Variants in LRRC4C observed in about 807,000 individuals in gnomAD.
LRRC4C encodes leucine rich repeat containing 4C.
In LRRC4C, 5 loss-of-function variants were observed where a neutral mutation model predicts 33.6. The observed-to-expected ratio is 0.15, with a 90% CI of 0.08 to 0.31. LRRC4C has a LOEUF of 0.31. Among genes scored for constraint, LRRC4C ranks in the 10% least tolerant of loss-of-function variants. The pLI, the probability that LRRC4C is intolerant of heterozygous loss-of-function variation, is 1.00. For missense variants in LRRC4C, 560 were observed against 796.7 expected, an observed-to-expected ratio of 0.70 and a Z score of 3.58; for synonymous variants, 329 against 302.0, an observed-to-expected ratio of 1.09 and a Z score of -0.93.
intron 3 of LRRC4C, among the ~76,000 whole-genome samples, chr11:40,336,427 C>T (rs904735296): frequency 2.6e-5 from 4 of 152,262 alleles, no homozygotes; most frequent in Non-Finnish European, 1.5e-5. Context: ...CCTGGACAAA[C>T]TTGAATGCCG....
At chr11:40,385,542 G>C (rs763397427) in intron 3 of LRRC4C, among the ~76,000 whole-genome samples, 53 of 152,076 alleles carry the variant, frequency 3.5e-4, no homozygotes, top group Non-Finnish European at 7.2e-4. Flanking sequence ...ACTACTAGAG[G>C]GGGAGGGTGG....
At chr11:40,764,899 A>G (rs2137106950) in intron 2 of LRRC4C, among the ~76,000 whole-genome samples, 1 of 152,306 alleles carries the variant, frequency 6.6e-6, no homozygotes, top group African/African-American at 2.4e-5. Flanking sequence ...CCCCTAATGC[A>G]GGTATGGCTG....
In LRRC4C at chr11:40,469,243, G is replaced by A. The variant is rs1952803509; in HGVS notation, c.-269-149522C>T. 2.0e-5 allele frequency among the ~76,000 whole-genome samples: 3 copies of A among 152,174 alleles called. No homozygotes were observed. The South Asian group carries it at 6.2e-4, about 32-fold the overall frequency. ...AGCCCACGGAGGGCGAGCTGAAGCAGGGTGGGGTGTCACCTCACCTGGGAA... is the reference window on the plus strand; with the variant it reads ...AGCCCACGGAGGGCGAGCTGAAGCAAGGTGGGGTGTCACCTCACCTGGGAA... On this transcript the variant is annotated intron_variant, in intron 3 of 6. Transcript: ENST00000528697.
At chr11:40,166,194 C>G (rs1471532172) in intron 5 of LRRC4C, among the ~76,000 whole-genome samples, 1 of 152,128 alleles carries the variant, frequency 6.6e-6, no homozygotes, top group Non-Finnish European at 1.5e-5. Flanking sequence ...GAAATGAGAA[C>G]TAGCCTAAAA....
At chr11:40,709,324 T>C (rs1209374282) in intron 2 of LRRC4C, among the ~76,000 whole-genome samples, 1 of 152,182 alleles carries the variant, frequency 6.6e-6, no homozygotes, top group Non-Finnish European at 1.5e-5. Flanking sequence ...ATTTGGCATG[T>C]TTTTGCAGTG....
chr11:40,483,119 G>C (rs1278666278), intron 3 of LRRC4C, among the ~76,000 whole-genome samples: 1 of 152,126 alleles, frequency 6.6e-6, no homozygotes, highest in African/African-American at 2.4e-5. Flanking sequence ...AGATGTGAGA[G>C]ACCTTCATGT....
intron 1 of LRRC4C, among the ~76,000 whole-genome samples, chr11:40,994,074 A>C (rs1033023170): frequency 6.9e-6 from 1 of 144,342 alleles, no homozygotes; most frequent in Non-Finnish European, 1.5e-5. Context: ...TTTTTTAAGG[A>C]GTTCAATGTG....
chr11:40,408,906 A>G (rs1950057968), intron 3 of LRRC4C, among the ~76,000 whole-genome samples: 1 of 152,016 alleles, frequency 6.6e-6, no homozygotes, highest in African/African-American at 2.4e-5. Context: ...TAGAAAAAAC[A>G]ATCTAATATT....
At chr11:41,086,804 G>A (rs1049194224) in intron 1 of LRRC4C, among the ~76,000 whole-genome samples, 1 of 151,488 alleles carries the variant, frequency 6.6e-6, no homozygotes, top group Middle Eastern at 3.4e-3. Flanking sequence ...TTTCAAAAAA[G>A]TTTACTGCTA....
chr11:41,012,943 T>C lies in LRRC4C; in HGVS notation c.-495-79220A>G, dbSNP rs143647305. 3.6e-3 allele frequency among the ~76,000 whole-genome samples: 546 copies of C among 152,288 alleles called. 2 individuals carry two copies. Among genetic ancestry groups the C allele is most frequent in the African/African-American group, 0.012 (502 of 41,558 alleles). Reference sequence around the variant, plus strand: ...CATTTTAAAATCAGATTTTTTTTCCTATTGAGTTTGAGCTCCTTATATACT... The same window carrying C: ...CATTTTAAAATCAGATTTTTTTTCCCATTGAGTTTGAGCTCCTTATATACT... On this transcript the variant is annotated intron_variant, in intron 1 of 6. Coordinates refer to ENST00000528697, the MANE Select transcript of LRRC4C (RefSeq NM_001258419.2).
intron 5 of LRRC4C, among the ~76,000 whole-genome samples, chr11:40,226,360 A>G (rs1292198425): frequency 1.3e-5 from 2 of 152,188 alleles, no homozygotes. Flanking sequence ...AATTTTCTAC[A>G]AAGCCTCAAT....
At chr11:40,664,931 G>C (rs10837467) in intron 2 of LRRC4C, among the ~76,000 whole-genome samples, 77,519 of 117,144 alleles carry the variant, frequency 0.66, 22,634 homozygotes, top group East Asian at 0.74. Flanking sequence ...CCCCTCCCCC[G>C]ACCCCACAAC....
intron 1 of LRRC4C, among the ~76,000 whole-genome samples, chr11:40,956,654 C>T (rs1337699217): frequency 6.6e-6 from 1 of 151,542 alleles, no homozygotes; most frequent in African/African-American, 2.4e-5. Flanking sequence ...CCCTATAGGC[C>T]CACATCTGTC....
At chr11:40,613,609 C>G (rs1351742207) in intron 3 of LRRC4C, among the ~76,000 whole-genome samples, 1 of 151,780 alleles carries the variant, frequency 6.6e-6, no homozygotes, top group Non-Finnish European at 1.5e-5. Context: ...ATTTTGGCCT[C>G]TTCCTACAAA....
intron 4 of LRRC4C, among the ~76,000 whole-genome samples, chr11:40,261,610 G>T (rs368156460): frequency 1.3e-5 from 2 of 152,142 alleles, no homozygotes; most frequent in South Asian, 2.1e-4. Context: ...TACAGTACAA[G>T]TGGCCAGGTT....
At chr11:40,410,737 A>G (rs551827383) in intron 3 of LRRC4C, among the ~76,000 whole-genome samples, 26 of 152,254 alleles carry the variant, frequency 1.7e-4, no homozygotes, top group South Asian at 6.2e-4. Flanking sequence ...CTAGCCAGGT[A>G]AAAGTTCTAA....
intron 1 of LRRC4C, among the ~76,000 whole-genome samples, chr11:40,986,924 C>G (rs1592265818): frequency 6.6e-6 from 1 of 152,158 alleles, no homozygotes; most frequent in African/African-American, 2.4e-5. Flanking sequence ...ACTACTGTTG[C>G]AAAGGCAAAA....
chr11:40,175,933 C>A (rs1010165534), intron 5 of LRRC4C, among the ~76,000 whole-genome samples: 1 of 152,098 alleles, frequency 6.6e-6, no homozygotes, highest in African/African-American at 2.4e-5. Flanking sequence ...ATGCCCTGAA[C>A]TAAATTCTGG....
intron 6 of LRRC4C, among the ~76,000 whole-genome samples, chr11:40,131,781 C>T (rs1263848197): frequency 6.6e-6 from 1 of 152,116 alleles, no homozygotes; most frequent in Non-Finnish European, 1.5e-5. Flanking sequence ...TCGTCTAGCA[C>T]TGATGACAGT....
Sources: gnomAD v4.1 joint callset for allele counts (sites outside exome capture counted in the v4.1 genomes callset) on GRCh38, gnomAD v4.1.1 for gene constraint, MANE v1.5 for transcripts, NCBI Gene and HGNC (gene_info 2026-07-23, HGNC 2026-07-21) for gene names.